GPHN: variants seen among roughly 807,000 people sequenced by gnomAD.
GPHN encodes gephyrin.
GPHN carries 17 observed loss-of-function variants against 95.5 expected under a neutral mutation model. That is an observed-to-expected ratio of 0.18 (90% CI 0.12 to 0.27). The LOEUF (loss-of-function observed/expected upper bound fraction) is 0.27, where lower values mean the gene tolerates loss of function less well. GPHN is among the 10% of genes least tolerant of loss of function. The pLI is 1.00. For synonymous variants in GPHN, 320 were observed against 322.5 expected (o/e 0.99, Z 0.08); for missense variants, 660 against 978.1 (o/e 0.67, Z 4.34).
chr14:66,782,245 CTT>C (rs1428187136), intron 3 of GPHN, among the ~76,000 whole-genome samples: 1 of 152,148 alleles, frequency 6.6e-6, no homozygotes, highest in Non-Finnish European at 1.5e-5. Flanking sequence ...TTAAGTCTGT[CTT>C]TTCCTGAACT....
the GPHN span, among the ~76,000 whole-genome samples, chr14:67,713,472 G>A: frequency 6.6e-6 from 1 of 150,612 alleles, no homozygotes; most frequent in Non-Finnish European, 1.5e-5. Context: ...CAAATTTTGG[G>A]ACATCAGGGA....
chr14:66,998,364 G>T (rs891580983), intron 9 of GPHN, among the ~76,000 whole-genome samples: 3 of 152,062 alleles, frequency 2.0e-5, no homozygotes, highest in African/African-American at 7.2e-5. Flanking sequence ...ATGCTATAAA[G>T]ACCAATAAAA....
chr14:67,079,949 G>A (rs542010293), intron 11 of GPHN, among the ~76,000 whole-genome samples: 2 of 152,118 alleles, frequency 1.3e-5, no homozygotes, highest in East Asian at 3.9e-4. Context: ...CAGAAGTGGG[G>A]TTGTTGGATC....
chr14:66,642,575 A>C (rs954565244), intron 1 of GPHN, among the ~76,000 whole-genome samples: 1 of 109,710 alleles, frequency 9.1e-6, no homozygotes, highest in African/African-American at 5.7e-5. Flanking sequence ...TTTTTTTTTG[A>C]AACTGGGAGT....
intron 18 of GPHN, among the ~76,000 whole-genome samples, chr14:67,146,700 ATTTGT>A (rs1200459226): frequency 6.6e-6 from 1 of 152,184 alleles, no homozygotes; most frequent in African/African-American, 2.4e-5. Context: ...AAGCTCCTTG[ATTTGT>A]TTTGTAAGTC....
chr14:67,600,566 T>C, the GPHN span, among the ~76,000 whole-genome samples: 1 of 152,140 alleles, frequency 6.6e-6, no homozygotes. Flanking sequence ...GCCCCTGCTC[T>C]CTAGCCTGTG....
intron 13 of GPHN, among the ~76,000 whole-genome samples, chr14:67,102,399 G>C (rs1043566339): frequency 2.0e-5 from 3 of 151,940 alleles, no homozygotes; most frequent in African/African-American, 7.2e-5. Context: ...GGTGGCTCAT[G>C]CCTGTAATCC....
At chr14:67,337,940 A>G in the GPHN span, 1 of 152,224 alleles carries the variant, frequency 6.6e-6, no homozygotes, top group Non-Finnish European at 1.5e-5. Flanking sequence ...GCCTTTTTGT[A>G]AAACTCTAAT....
the GPHN span, chr14:67,569,677 A>G: frequency 1.8e-6 from 1 of 553,748 alleles, no homozygotes; most frequent in South Asian, 2.1e-5. Flanking sequence ...TGCAAGCCTC[A>G]TGGAGGAAAA....
the GPHN span, among the ~76,000 whole-genome samples, chr14:67,710,706 A>G: frequency 6.6e-6 from 1 of 151,068 alleles, no homozygotes; most frequent in Non-Finnish European, 1.5e-5. Context: ...AAAATTTTTC[A>G]CTTTTTTTTA....
At chr14:67,733,210 C>A in the GPHN span, among the ~76,000 whole-genome samples, 1 of 152,100 alleles carries the variant, frequency 6.6e-6, no homozygotes, top group East Asian at 1.9e-4. Context: ...AGGGCCCCTG[C>A]TCATTCCAAA....
At chr14:66,652,861 A>C (rs189760650) in intron 1 of GPHN, among the ~76,000 whole-genome samples, 5 of 152,260 alleles carry the variant, frequency 3.3e-5, no homozygotes, top group Non-Finnish European at 5.9e-5. Context: ...GCTCAGAGCT[A>C]TATGAAGAGC....
chr14:67,419,605 A>G, the GPHN span, among the ~76,000 whole-genome samples: 3 of 152,058 alleles, frequency 2.0e-5, no homozygotes, highest in African/African-American at 7.2e-5. Context: ...GCTCACGCCT[A>G]TAATCCCAGC....
chr14:67,306,125 A>T, the GPHN span, among the ~76,000 whole-genome samples: 1 of 152,118 alleles, frequency 6.6e-6, no homozygotes, highest in African/African-American at 2.4e-5. Flanking sequence ...GCATGCCACC[A>T]CATCCAGCTA....
the GPHN span, among the ~76,000 whole-genome samples, chr14:67,607,527 CAGTTAATGTTTGTATTTTTAGT>C: frequency 2.0e-5 from 3 of 152,054 alleles, no homozygotes; most frequent in Non-Finnish European, 4.4e-5. Context: ...CCACCGGGGC[CAGTTAATGTTTGTATTTTTAGT>C]AGAGATGGGG....
At chr14:66,811,412 T>C (rs188536862) in intron 3 of GPHN, among the ~76,000 whole-genome samples, 1 of 152,282 alleles carries the variant, frequency 6.6e-6, no homozygotes, top group Non-Finnish European at 1.5e-5. Flanking sequence ...AGGTTTAAAA[T>C]TGGTTGTCTA....
At chr14:67,122,139 C>A in intron 16 of GPHN, 117 bp from the exon 17 acceptor site, 1 of 935,824 alleles carries the variant, frequency 1.1e-6, no homozygotes, top group Non-Finnish European at 1.7e-6. Context: ...CTTCAAAATG[C>A]CAGATACCAT....
chr14:66,525,933 T>G (rs2058673110), intron 1 of GPHN, among the ~76,000 whole-genome samples: 1 of 152,160 alleles, frequency 6.6e-6, no homozygotes, highest in Non-Finnish European at 1.5e-5. Context: ...GCCTCCAGCT[T>G]TGTTCTTTTT....
intron 8 of GPHN, among the ~76,000 whole-genome samples, chr14:66,940,502 T>G (rs1025313287): frequency 6.6e-6 from 1 of 152,170 alleles, no homozygotes; most frequent in Non-Finnish European, 1.5e-5. Context: ...TTCACCCATG[T>G]TAACAGGGGG....
Sources: allele counts gnomAD v4.1 joint callset (sites outside exome capture counted in the v4.1 genomes callset), GRCh38; gene constraint gnomAD v4.1.1; transcripts MANE v1.5; gene names NCBI Gene and HGNC (gene_info 2026-07-23, HGNC 2026-07-21).